The following KLF7 variants were observed in gnomAD, a reference collection of about 807,000 sequenced individuals.
KLF7 encodes the protein KLF transcription factor 7, also known as Krueppel-like factor 7.
A neutral mutation model predicts 27.3 loss-of-function variants in KLF7; 2 were observed. The observed-to-expected ratio is 0.07, with a 90% confidence interval of 0.03 to 0.23. The LOEUF (loss-of-function observed/expected upper bound fraction) is 0.23, where lower values mean the gene tolerates loss of function less well. Ranked by LOEUF, KLF7 falls within the 10% of genes least tolerant of loss-of-function variation. KLF7 has a pLI of 1.00. For synonymous variants in KLF7, 165 were observed against 162.4 expected (o/e 1.02, Z -0.12); for missense variants, 221 against 394.1 (o/e 0.56, Z 3.72).
intron 1 of KLF7, among the ~76,000 whole-genome samples, chr2:207,129,384 C>T (rs1411470124): frequency 6.6e-6 from 1 of 152,142 alleles, no homozygotes; most frequent in East Asian, 1.9e-4. Context: ...ACCCCCAACC[C>T]CTAAAAAATT....
chr2:207,146,506 G>T (rs1481111753), intron 1 of KLF7, among the ~76,000 whole-genome samples: 1 of 152,064 alleles, frequency 6.6e-6, no homozygotes, highest in Non-Finnish European at 1.5e-5. Context: ...TGCTTTATGG[G>T]ATCCTCCCCT....
rs899495500 is a variant in KLF7 at position 207,074,924 on chromosome 2, C to A, written c.*6289G>T. The A allele has an allele frequency of 6.6e-6, 1 of 152,150 alleles. No individual in the cohort carries two copies. The highest frequency in any genetic ancestry group is 2.4e-5 in the African/African-American group (1 of 41,412). The allele number at this position is 152,150 out of a possible 1,614,324, so 9.4% of individuals were successfully genotyped here. ...AATGAAACTATAAAATACACACATA[C>A]GCACACACACACACAACTTCCCAAA... On this transcript the variant is annotated 3_prime_UTR_variant, in exon 4 of 4. Coordinates refer to ENST00000309446, the MANE Select transcript of KLF7 (RefSeq NM_003709.4).
chr2:207,085,088 G>A (rs978029119), intron 3 of KLF7, among the ~76,000 whole-genome samples: 11 of 147,644 alleles, frequency 7.5e-5, no homozygotes, highest in African/African-American at 1.8e-4. Flanking sequence ...CCTGAACCCC[G>A]GAGGCAGAGG....
chr2:207,134,321 G>A (rs1278819839), intron 1 of KLF7, among the ~76,000 whole-genome samples: 1 of 151,758 alleles, frequency 6.6e-6, no homozygotes, highest in East Asian at 1.9e-4. Flanking sequence ...AGCTGCACAC[G>A]TGTACAACGT....
chr2:207,169,033 T>C (rs771811496), upstream of KLF7, among the ~76,000 whole-genome samples: 2 of 152,214 alleles, frequency 1.3e-5, no homozygotes, highest in Non-Finnish European at 2.9e-5. Context: ...TAGTGCTCCA[T>C]TTTTATAGAT....
At chr2:207,134,707 T>G (rs1262519691) in intron 1 of KLF7, among the ~76,000 whole-genome samples, 1 of 152,150 alleles carries the variant, frequency 6.6e-6, no homozygotes, top group Non-Finnish European at 1.5e-5. Context: ...ATTCGCATAC[T>G]GAGAGGCAGA....
chr2:207,119,860 G>A (rs1453259968), intron 2 of KLF7, among the ~76,000 whole-genome samples: 2 of 152,020 alleles, frequency 1.3e-5, no homozygotes, highest in Non-Finnish European at 2.9e-5. Context: ...CGCGCCACAC[G>A]CCCAGCTAAT....
chr2:207,158,834 G>A (rs946949265), intron 1 of KLF7, among the ~76,000 whole-genome samples: 17 of 152,032 alleles, frequency 1.1e-4, no homozygotes, highest in Admixed American at 5.2e-4. Context: ...CTCCTTTGAA[G>A]GCAAAAAAGA....
rs1338105708 is a variant in KLF7 at position 207,077,497 on chromosome 2, C to T, written c.*3716G>A. ...GGTGCAGGTGGAGAGGAGATGGCGTCGAGAGAAGAGGATATTTGAAGGGCT... is the reference window on the plus strand; with the variant it reads ...GGTGCAGGTGGAGAGGAGATGGCGTTGAGAGAAGAGGATATTTGAAGGGCT... On this transcript the variant is annotated 3_prime_UTR_variant, in exon 4 of 4. Transcript: ENST00000309446. 5 of 151,984 alleles carry T rather than the reference C, an allele frequency of 3.3e-5. No individual in the cohort carries two copies. The highest frequency in any genetic ancestry group is 7.3e-5 in the Non-Finnish European group (5 of 68,054). 9.4% of individuals were successfully genotyped at this position (151,984 alleles called of 1,614,324 possible). A position where few individuals can be genotyped will look rare whatever the true frequency, so the allele number is the denominator to read the frequency against.
chr2:207,079,411 G>A lies in KLF7; in HGVS notation c.*1802C>T, dbSNP rs1046265832. ...TCAAAGGAGGACAGGAGGGGAGCCA[G>A]CTGGTAGGAGGGAGCAGCAACCGTG... On this transcript the variant is annotated 3_prime_UTR_variant, in exon 4 of 4. Coordinates refer to ENST00000309446, the MANE Select transcript of KLF7 (RefSeq NM_003709.4). 2 of 152,312 alleles carry A rather than the reference G, an allele frequency of 1.3e-5. No homozygotes were observed. Among genetic ancestry groups the A allele is most frequent in the Non-Finnish European group, 2.9e-5 (2 of 68,092 alleles). 9.4% of individuals were successfully genotyped at this position (152,312 alleles called of 1,614,324 possible).
chr2:207,166,951 C>G, upstream of KLF7: 1 of 881,626 alleles, frequency 1.1e-6, no homozygotes, highest in Non-Finnish European at 1.4e-6. Flanking sequence ...GCCGCCGCCG[C>G]CGCCCTCCCT....
upstream of KLF7, chr2:207,167,151 C>T (rs1376794172): frequency 6.9e-7 from 1 of 1,439,370 alleles, no homozygotes. Flanking sequence ...ATGGGGTCTC[C>T]AGCGAGGTGT....
chr2:207,117,729 T>C (rs778434882), intron 2 of KLF7, among the ~76,000 whole-genome samples: 10 of 152,356 alleles, frequency 6.6e-5, no homozygotes, highest in East Asian at 3.9e-4. Flanking sequence ...AATTAGGGCT[T>C]CTATTTATAT....
In KLF7 at chr2:207,124,324, G is replaced by A. The variant is rs147135904; in HGVS notation, c.183C>T (p.Phe61=). 2.8e-5 allele frequency: 45 copies of A among 1,612,222 alleles called. No individual in the cohort carries two copies. The South Asian group carries it at 4.5e-4, about 16-fold the overall frequency. ...SETFGEDLDC[F]LHASPPPCIE... ...TGCACGGGGGAGGGGAAGCGTGGAG[G>A]AAACAGTCCAAGTCCTCACCAAAGG... is the stretch of plus-strand genomic sequence containing the variant. Residue 61 remains phenylalanine, a synonymous_variant, in exon 2 of 4, where the codon TTC becomes TTT. Transcript: ENST00000309446.
chr2:207,149,242 C>T (rs1267141848), intron 1 of KLF7: 2 of 952,388 alleles, frequency 2.1e-6, no homozygotes, highest in Admixed American at 2.4e-5. Flanking sequence ...GCAACACCCC[C>T]ACTCAGCGCT....
chr2:207,089,019 G>T (rs935748518), intron 2 of KLF7, among the ~76,000 whole-genome samples: 1 of 152,110 alleles, frequency 6.6e-6, no homozygotes, highest in Non-Finnish European at 1.5e-5. Context: ...GCCATTTCAG[G>T]CTTTTTAGTC....
At chr2:207,113,860 C>T (rs1186660307) in intron 2 of KLF7, among the ~76,000 whole-genome samples, 4 of 152,064 alleles carry the variant, frequency 2.6e-5, no homozygotes, top group East Asian at 3.9e-4. Flanking sequence ...CTGCTTCCAG[C>T]GACCATTATT....
intron 1 of KLF7, among the ~76,000 whole-genome samples, chr2:207,130,073 C>CAG (rs2077582827): frequency 6.6e-6 from 1 of 152,182 alleles, no homozygotes; most frequent in African/African-American, 2.4e-5. Context: ...TGGAACTTGC[C>CAG]AGTCAGGATT....
chr2:207,074,710 GAACA>G lies in KLF7; in HGVS notation c.*6499_*6502del, dbSNP rs1469529255. 2 of 152,066 alleles carry G rather than the reference GAACA, an allele frequency of 1.3e-5. No individual in the cohort carries two copies. Among genetic ancestry groups the G allele is most frequent in the Non-Finnish European group, 2.9e-5 (2 of 68,058 alleles). 9.4% of individuals were successfully genotyped at this position (152,066 alleles called of 1,614,324 possible). ...TAGGTTCCTATTAAACACCATCCCA[GAACA>G]AACTGCCTCCTTCTCTCGCCAAATA... is the stretch of plus-strand genomic sequence containing the variant. On this transcript the variant is annotated 3_prime_UTR_variant, in exon 4 of 4. Transcript: ENST00000309446.
Sources: allele counts gnomAD v4.1 joint callset (sites outside exome capture counted in the v4.1 genomes callset), GRCh38; gene constraint gnomAD v4.1.1; transcripts MANE v1.5; gene names NCBI Gene and HGNC (gene_info 2026-07-23, HGNC 2026-07-21).